Variants in DNHD1 observed in about 807,000 individuals in gnomAD.
DNHD1 encodes dynein heavy chain domain 1.
A neutral mutation model predicts 458.1 loss-of-function variants in DNHD1; 383 were observed. The observed-to-expected ratio is 0.84, with a 90% CI of 0.77 to 0.91. The LOEUF is 0.91. DNHD1 is among the 40% of genes least tolerant of loss of function. The pLI, the probability that DNHD1 is intolerant of heterozygous loss-of-function variation, is 0.00. For missense variants in DNHD1, 5,336 were observed against 5,866.1 expected (o/e 0.91, Z 2.95); for synonymous variants, 2,203 against 2,376.9 (o/e 0.93, Z 2.13).
At chr11:6,535,665 C>CGTA (rs1852932509) in intron 14 of DNHD1, among the ~76,000 whole-genome samples, 1 of 151,842 alleles carries the variant, frequency 6.6e-6, no homozygotes, top group Non-Finnish European at 1.5e-5. Flanking sequence ...ATTTATTATG[C>CGTA]GTAGTAATAA....
chr11:6,534,583 TCCTC>T (rs1187141761), intron 14 of DNHD1, among the ~76,000 whole-genome samples: 9 of 152,136 alleles, frequency 5.9e-5, no homozygotes, highest in Admixed American at 5.9e-4. Context: ...GCAGATCACT[TCCTC>T]CAGCCAGTGT....
At chr11:6,561,772 A>G (rs1010538718) in intron 28 of DNHD1, among the ~76,000 whole-genome samples, 47 of 152,240 alleles carry the variant, frequency 3.1e-4, no homozygotes, top group African/African-American at 1.1e-3. Flanking sequence ...GAAAGGGGCC[A>G]AGTGACAGAA....
chr11:6,566,794 G>A (rs1449717956), intron 35 of DNHD1, 29 bp downstream of exon 35: 19 of 1,604,104 alleles, frequency 1.2e-5, no homozygotes, highest in Non-Finnish European at 1.6e-5. Flanking sequence ...TGTGGGTTGA[G>A]ATGAGCATTG....
In DNHD1 at chr11:6,567,288, G is replaced by A; in HGVS notation, c.11779G>A (p.Gly3927Ser). 1 of 1,614,064 alleles carries A rather than the reference G, an allele frequency of 6.2e-7. No individual in the cohort carries two copies. The highest frequency in any genetic ancestry group is 8.5e-7 in the Non-Finnish European group (1 of 1,179,914). Residue 3927 changes from glycine to serine, a missense_variant, in exon 36 of 43, where the codon GGC becomes AGC. Around this residue, in one of 4 missense-constraint regions of DNHD1, gnomAD observed 695 missense variants for 804.2 expected, o/e 0.86. Coordinates refer to ENST00000254579, the MANE Select transcript of DNHD1 (RefSeq NM_144666.3). ...QLLGSTVTAL[G>S]LTQVPLVGAL... ...GCTGGGCAGCACCGTGACTGCACTGGGCCTTACCCAAGTACCCTTGGTGGG... is the reference window on the plus strand; with the variant it reads ...GCTGGGCAGCACCGTGACTGCACTGAGCCTTACCCAAGTACCCTTGGTGGG...
In DNHD1 at chr11:6,570,719, G is replaced by T; in HGVS notation, c.13207G>T (p.Ala4403Ser). ...RLCGLSEGPQ[A>S]WLLRRQSRAL... ...CTGCGGACTGAGTGAGGGCCCCCAA[G>T]CCTGGCTGTTGCGACGCCAGAGTCG... is the stretch of plus-strand genomic sequence containing the variant. The change falls in exon 42 of 43, where the codon GCC (alanine) becomes TCC (serine). Residue 4403 changes from alanine to serine, a missense_variant. This residue lies in a region of DNHD1 where 698 missense variants were observed against 664.9 expected (regional missense o/e 1.05). Coordinates refer to ENST00000254579, the MANE Select transcript of DNHD1 (RefSeq NM_144666.3). The T allele has an allele frequency of 6.2e-7, 1 of 1,611,230 alleles. No homozygotes were observed. Among genetic ancestry groups the T allele is most frequent in the South Asian group, 1.1e-5 (1 of 90,498 alleles).
At position 6,509,196 on chromosome 11, in the gene DNHD1, C is replaced by T. The variant is rs934040552; in HGVS notation, c.1159C>T (p.Arg387Ter). 2.5e-6 allele frequency: 4 copies of T among 1,614,106 alleles called. No homozygotes were observed. The highest frequency in any genetic ancestry group is 3.4e-6 in the Non-Finnish European group (4 of 1,180,040). ...GAATGTGAGATTACAGGGGCTGCATCGACTCCAGAAATTCCTAGAGAATCA... is the reference window on the plus strand; with the variant it reads ...GAATGTGAGATTACAGGGGCTGCATTGACTCCAGAAATTCCTAGAGAATCA... Reference protein sequence around the residue: ...KKNVRLQGLHRLQKFLENHLL... With the variant: ...KKNVRLQGLH Residue 387 changes from arginine to a stop codon, truncating the protein, a stop_gained, in exon 6 of 43, where the codon CGA (arginine) becomes TGA (stop). Coordinates refer to ENST00000254579, the MANE Select transcript of DNHD1 (RefSeq NM_144666.3). LOFTEE classifies it high-confidence loss of function.
chr11:6,559,865 C>G (rs1439406034), intron 28 of DNHD1, among the ~76,000 whole-genome samples: 4 of 152,206 alleles, frequency 2.6e-5, no homozygotes, highest in Admixed American at 6.5e-5. Context: ...ACCAACTTTT[C>G]CTTTCCTCTC....
At chr11:6,550,376 G>A (rs1320977752) in intron 24 of DNHD1, among the ~76,000 whole-genome samples, 1 of 152,120 alleles carries the variant, frequency 6.6e-6, no homozygotes, top group Non-Finnish European at 1.5e-5. Flanking sequence ...AGTAAAGAGT[G>A]GTACAGTCAG....
chr11:6,509,596 T>G (rs1312538519), intron 6 of DNHD1, among the ~76,000 whole-genome samples: 1 of 152,214 alleles, frequency 6.6e-6, no homozygotes, highest in Non-Finnish European at 1.5e-5. Context: ...TAATTATATA[T>G]CTTAAACCAC....
intron 24 of DNHD1, among the ~76,000 whole-genome samples, chr11:6,554,518 A>T (rs1351265496): frequency 6.6e-6 from 1 of 152,222 alleles, no homozygotes; most frequent in African/African-American, 2.4e-5. Flanking sequence ...TTGACAGAGA[A>T]AACATGCATG....
intron 24 of DNHD1, among the ~76,000 whole-genome samples, chr11:6,554,017 G>C (rs922220759): frequency 6.6e-6 from 1 of 151,990 alleles, no homozygotes; most frequent in Non-Finnish European, 1.5e-5. Flanking sequence ...CAATGCAAAA[G>C]ATCTAGAGCA....
intron 3 of DNHD1, 143 bp downstream of exon 3, chr11:6,499,104 G>A: frequency 1.1e-6 from 1 of 937,814 alleles, no homozygotes; most frequent in Non-Finnish European, 1.5e-6. Context: ...GCTAGTGTGA[G>A]GCTACTTTCC....
intron 12 of DNHD1, among the ~76,000 whole-genome samples, chr11:6,530,514 C>T (rs1202785511): frequency 6.6e-6 from 1 of 152,188 alleles, no homozygotes; most frequent in East Asian, 1.9e-4. Flanking sequence ...CCTCACCTAG[C>T]CTCAAGGATG....
chr11:6,558,248 G>A lies in DNHD1; in HGVS notation c.8953G>A (p.Glu2985Lys), dbSNP rs1276117604. 2 of 1,551,690 alleles carry A rather than the reference G, an allele frequency of 1.3e-6. No homozygotes were observed. Among genetic ancestry groups the A allele is most frequent in the East Asian group, 2.4e-5 (1 of 40,926 alleles). ...CCGCATTGGAGAACACCTCCCCAGG[G>A]AGAACCTTGGTGTCAAACAGAACAT... ...LDRIGEHLPR[E>K]NLGVKQNIKK... The change falls in exon 25 of 43, where the codon GAG (glutamate) becomes AAG (lysine). Residue 2985 changes from glutamate to lysine, a missense_variant. By Grantham distance (56) the Glu-to-Lys change is moderately conservative. Around this residue, in one of 4 missense-constraint regions of DNHD1, gnomAD observed 3,932 missense variants for 4,365.6 expected, o/e 0.90. Transcript: ENST00000254579.
In DNHD1 at chr11:6,505,428, T is replaced by A. The variant is rs113941726; in HGVS notation, c.920+2502T>A. 2.0e-5 allele frequency among the ~76,000 whole-genome samples: 3 copies of A among 151,836 alleles called. No homozygotes were observed. The highest frequency in any genetic ancestry group is 7.3e-5 in the African/African-American group (3 of 41,324). On this transcript the variant is annotated intron_variant, in intron 4 of 42. Coordinates refer to ENST00000254579, the MANE Select transcript of DNHD1 (RefSeq NM_144666.3). This position sits in a 1 kb window ranked among gnomAD's most constrained non-coding sequence, Gnocchi z 4.4. Reference sequence around the variant, plus strand: ...CTAATATGACTGGCTAATTTTTGTATTTTTATTAGAGACGGGGTTTTGCCA... The same window carrying A: ...CTAATATGACTGGCTAATTTTTGTAATTTTATTAGAGACGGGGTTTTGCCA...
At chr11:6,553,809 T>C (rs1409266099) in intron 24 of DNHD1, among the ~76,000 whole-genome samples, 1 of 152,150 alleles carries the variant, frequency 6.6e-6, no homozygotes, top group East Asian at 1.9e-4. Context: ...ATCTGTACAC[T>C]GAAAATGACT....
At chr11:6,547,707 T>C (rs1408811469) in intron 21 of DNHD1, 41 bp downstream of exon 21, 1 of 1,495,116 alleles carries the variant, frequency 6.7e-7, no homozygotes, top group Non-Finnish European at 9.0e-7. Context: ...GATGGGGCCT[T>C]AAGGGTAGCT....
intron 14 of DNHD1, among the ~76,000 whole-genome samples, chr11:6,537,186 T>C (rs1246699181): frequency 6.6e-6 from 1 of 152,192 alleles, no homozygotes; most frequent in Non-Finnish European, 1.5e-5. Flanking sequence ...TTGACACTTA[T>C]CTCACAACTG....
intron 18 of DNHD1, 38 bp downstream of exon 18, chr11:6,540,121 G>A (rs112573450): frequency 2.6e-6 from 4 of 1,528,162 alleles, no homozygotes; most frequent in South Asian, 1.2e-5. Flanking sequence ...AAAGCCCCCT[G>A]CTGGGGGCCA....
Sources: gnomAD v4.1 joint callset for allele counts (sites outside exome capture counted in the v4.1 genomes callset) on GRCh38, gnomAD v4.1.1 for gene constraint, gnomAD v4.1.1 regional missense constraint, Gnocchi (gnomAD v3.1) non-coding constraint, MANE v1.5 for transcripts, NCBI Gene and HGNC (gene_info 2026-07-23, HGNC 2026-07-21) for gene names.